Variants in TYW1 observed in about 807,000 individuals in gnomAD.
TYW1 encodes S-adenosyl-L-methionine-dependent tRNA 4-demethylwyosine synthase TYW1.
In TYW1, 46 loss-of-function variants were observed where a neutral mutation model predicts 96.2. The observed-to-expected ratio is 0.48, with a 90% CI of 0.38 to 0.61. The LOEUF (loss-of-function observed/expected upper bound fraction) is 0.61. Among genes scored for constraint, TYW1 ranks in the 20% least tolerant of loss-of-function variants. The pLI, the probability that TYW1 is intolerant of heterozygous loss-of-function variation, is 0.00. For missense variants in TYW1, 684 were observed against 909.6 expected (o/e 0.75, Z 3.19); for synonymous variants, 274 against 323.0 (o/e 0.85, Z 1.63).
At chr7:67,108,595 C>A (rs1354071343) in intron 12 of TYW1, among the ~76,000 whole-genome samples, 2 of 151,824 alleles carry the variant, frequency 1.3e-5, no homozygotes, top group Non-Finnish European at 2.9e-5. Context: ...GTGCGCGCCA[C>A]CACACCGGCT....
At chr7:67,051,017 G>T (rs1224647679) in intron 8 of TYW1, among the ~76,000 whole-genome samples, 2 of 151,742 alleles carry the variant, frequency 1.3e-5, no homozygotes, top group East Asian at 3.9e-4. Flanking sequence ...TTAGCCTCCT[G>T]AGCAGCTGGG....
intron 11 of TYW1, among the ~76,000 whole-genome samples, chr7:67,083,806 G>A (rs1335782018): frequency 6.6e-6 from 1 of 152,288 alleles, no homozygotes; most frequent in African/African-American, 2.4e-5. Context: ...AGGCCGAGGC[G>A]GGTGGATCAC....
intron 3 of TYW1, among the ~76,000 whole-genome samples, chr7:67,009,223 C>G (rs1793705405): frequency 6.6e-6 from 1 of 152,130 alleles, no homozygotes; most frequent in African/African-American, 2.4e-5. Flanking sequence ...GTTGTCCAGG[C>G]TTGGCCTCAA....
chr7:67,227,615 T>C (rs1218086336), intron 15 of TYW1, among the ~76,000 whole-genome samples: 1 of 151,938 alleles, frequency 6.6e-6, no homozygotes, highest in African/African-American at 2.4e-5. Context: ...CTTTGGGCCA[T>C]GCAGTTATTG....
At chr7:67,183,049 A>C (rs1799887660) in intron 13 of TYW1, 77 bp from the exon 14 acceptor site, 2 of 1,320,080 alleles carry the variant, frequency 1.5e-6, no homozygotes, top group African/African-American at 3.1e-5. Context: ...CTGGATTGAA[A>C]AAGCTTGAGA....
intron 15 of TYW1, among the ~76,000 whole-genome samples, chr7:67,230,652 C>CTTTTTTTTTTTT (rs34585182): frequency 0.013 from 1,568 of 119,220 alleles, 45 homozygotes; most frequent in Non-Finnish European, 0.02. Context: ...CTTATTATCT[C>CTTTTTTTTTTTT]TTTTTTTTTT....
chr7:66,997,605 T>C (rs868329831), intron 1 of TYW1, among the ~76,000 whole-genome samples: 7 of 152,160 alleles, frequency 4.6e-5, no homozygotes, highest in Non-Finnish European at 8.8e-5. Flanking sequence ...TACTACATAG[T>C]GTGTTATTTT....
intron 9 of TYW1, among the ~76,000 whole-genome samples, chr7:67,061,387 A>T (rs191009968): frequency 3.3e-5 from 5 of 152,356 alleles, no homozygotes; most frequent in Admixed American, 1.3e-4. Flanking sequence ...AAACTGTAAT[A>T]AGAATAGGTA....
At chr7:67,230,528 C>T (rs1801719627) in intron 15 of TYW1, among the ~76,000 whole-genome samples, 1 of 152,050 alleles carries the variant, frequency 6.6e-6, no homozygotes, top group Non-Finnish European at 1.5e-5. Context: ...TTCCCCCTCT[C>T]AAGCAACAAC....
chr7:67,092,646 C>A (rs1483927255), intron 11 of TYW1, among the ~76,000 whole-genome samples: 1 of 126,774 alleles, frequency 7.9e-6, no homozygotes, highest in East Asian at 2.4e-4. Flanking sequence ...CCTGCTCTTT[C>A]TTTTCTTTTC....
At chr7:67,018,786 T>C (rs1794113231) in intron 6 of TYW1, among the ~76,000 whole-genome samples, 1 of 151,184 alleles carries the variant, frequency 6.6e-6, no homozygotes, top group African/African-American at 2.4e-5. Context: ...CGAAACCCCA[T>C]CTCTACTAAA....
rs768368031 is a variant in TYW1, at chr7:67,014,467, C to G, written c.476C>G (p.Ser159Cys). 4 of 1,613,774 alleles carry G rather than the reference C, an allele frequency of 2.5e-6. No individual in the cohort carries two copies. The highest frequency in any genetic ancestry group is 3.4e-6 in the Non-Finnish European group (4 of 1,179,866). Residue 159 changes from serine (S) to cysteine (C), a missense_variant, in exon 5 of 16, where the codon TCC becomes TGC. Physicochemically the swap from Ser to Cys is moderately radical, Grantham distance 112. Coordinates refer to ENST00000359626, the MANE Select transcript of TYW1 (RefSeq NM_018264.4). ...TTCTGCAAATGGTTAGAGGAAGCAT[C>G]CATTGATTTTCGATTTGGCAAAACT... Reference protein sequence around the residue: ...EWFCKWLEEASIDFRFGKTYL... With the variant: ...EWFCKWLEEACIDFRFGKTYL...
In TYW1 at chr7:67,004,681, G is replaced by C. The variant is rs548247431; in HGVS notation, c.274-4902G>C. 2.0e-3 allele frequency among the ~76,000 whole-genome samples: 297 copies of C among 152,244 alleles called. 6 individuals carry two copies. The highest frequency in any genetic ancestry group is 0.017 in the Admixed American group (266 of 15,276). The stretch of plus-strand genomic sequence containing the variant: ...GTTGTAATAAATTCCCTTAGCATTT[G>C]TTTGCCTGAAAGGATCTTGTTTCTC... On this transcript the variant is annotated intron_variant, in intron 3 of 15. Transcript: ENST00000359626.
chr7:67,066,946 T>A (rs1429459535), intron 9 of TYW1, among the ~76,000 whole-genome samples: 1 of 152,252 alleles, frequency 6.6e-6, no homozygotes, highest in Admixed American at 6.5e-5. Flanking sequence ...AGCCCCCATT[T>A]TTTAGGAGTC....
intron 7 of TYW1, among the ~76,000 whole-genome samples, chr7:67,027,543 T>A (rs1291959052): frequency 6.6e-6 from 1 of 152,150 alleles, no homozygotes; most frequent in African/African-American, 2.4e-5. Context: ...TACATGGCCA[T>A]AAGAAAAATC....
chr7:67,060,114 C>T (rs981443526), intron 9 of TYW1, among the ~76,000 whole-genome samples: 2 of 150,876 alleles, frequency 1.3e-5, no homozygotes, highest in African/African-American at 2.4e-5. Context: ...CTCACTCTGT[C>T]GCCCAGGCTG....
chr7:67,198,494 T>G (rs905931642), intron 15 of TYW1, among the ~76,000 whole-genome samples: 13 of 150,952 alleles, frequency 8.6e-5, no homozygotes, highest in African/African-American at 3.2e-4. Flanking sequence ...GAGGTTGCAG[T>G]GAGTCGAGCC....
chr7:67,211,398 T>C (rs1801018573), intron 15 of TYW1, among the ~76,000 whole-genome samples: 5 of 151,444 alleles, frequency 3.3e-5, no homozygotes, highest in African/African-American at 1.2e-4. Context: ...TTTTGACTTA[T>C]TATGGGTTTA....
chr7:67,231,065 A>AT (rs200989444), intron 15 of TYW1, among the ~76,000 whole-genome samples: 25 of 150,744 alleles, frequency 1.7e-4, no homozygotes, highest in African/African-American at 2.4e-4. Context: ...TATTTAGATG[A>AT]TTTTTTTTTG....
Sources: gnomAD v4.1 joint callset for allele counts (sites outside exome capture counted in the v4.1 genomes callset) on GRCh38, gnomAD v4.1.1 for gene constraint, MANE v1.5 for transcripts, NCBI Gene and HGNC (gene_info 2026-07-23, HGNC 2026-07-21) for gene names.